SPMIP2: variants seen among roughly 807,000 people sequenced by gnomAD.
The protein encoded by SPMIP2 is sperm microtubule inner protein 2, also known as protein SPMIP2.
chr4:158,904,094 T>C, the SPMIP2 span, among the ~76,000 whole-genome samples: 19 of 152,182 alleles, frequency 1.2e-4, no homozygotes, highest in African/African-American at 4.3e-4. Flanking sequence ...CATTTAGAAG[T>C]GTTGACTGGA....
chr4:159,006,005 T>C, the SPMIP2 span, among the ~76,000 whole-genome samples: 1 of 152,238 alleles, frequency 6.6e-6, no homozygotes, highest in African/African-American at 2.4e-5. Flanking sequence ...CTTCAAGTGA[T>C]CCACCTGCCT....
the SPMIP2 span, among the ~76,000 whole-genome samples, chr4:159,057,822 T>C: frequency 4.6e-5 from 7 of 152,226 alleles, no homozygotes; most frequent in Non-Finnish European, 8.8e-5. Context: ...CATGTATTAG[T>C]AGCTACAGGA....
At chr4:158,936,871 G>A in the SPMIP2 span, among the ~76,000 whole-genome samples, 825 of 152,324 alleles carry the variant, frequency 5.4e-3, 5 homozygotes, top group African/African-American at 0.017. Flanking sequence ...CAGTGACACT[G>A]GCTGCCTGAG....
the SPMIP2 span, among the ~76,000 whole-genome samples, chr4:158,975,773 C>CTAT: frequency 6.6e-6 from 1 of 152,246 alleles, no homozygotes; most frequent in East Asian, 1.9e-4. Flanking sequence ...ATGGTCTTGG[C>CTAT]TATGTGGGCT....
chr4:158,915,690 C>T, the SPMIP2 span, among the ~76,000 whole-genome samples: 27 of 152,252 alleles, frequency 1.8e-4, no homozygotes, highest in Non-Finnish European at 2.9e-4. Context: ...TTCATGAGAC[C>T]CATGTGATCT....
the SPMIP2 span, among the ~76,000 whole-genome samples, chr4:158,967,377 A>G: frequency 6.6e-6 from 1 of 152,218 alleles, no homozygotes; most frequent in Admixed American, 6.5e-5. Flanking sequence ...CATAAGACAT[A>G]TAACTTTATA....
At chr4:159,013,141 T>C in the SPMIP2 span, among the ~76,000 whole-genome samples, 1 of 151,996 alleles carries the variant, frequency 6.6e-6, no homozygotes, top group African/African-American at 2.4e-5. Context: ...CTGGTGAAAA[T>C]GTAAAATGGT....
the SPMIP2 span, among the ~76,000 whole-genome samples, chr4:158,943,957 G>A: frequency 6.6e-6 from 1 of 150,598 alleles, no homozygotes; most frequent in Non-Finnish European, 1.5e-5. Context: ...CTGGGTTCAA[G>A]TGATTGTTCT....
At chr4:158,927,560 T>A in the SPMIP2 span, among the ~76,000 whole-genome samples, 1 of 152,212 alleles carries the variant, frequency 6.6e-6, no homozygotes, top group African/African-American at 2.4e-5. Context: ...CAGCCCTCCC[T>A]CGCTCTCGGC....
the SPMIP2 span, among the ~76,000 whole-genome samples, chr4:158,993,383 A>C: frequency 6.6e-6 from 1 of 151,664 alleles, no homozygotes; most frequent in Non-Finnish European, 1.5e-5. Context: ...AAAGAAGAAA[A>C]AAAAGAAAAA....
At chr4:158,966,548 A>G in the SPMIP2 span, among the ~76,000 whole-genome samples, 4 of 152,364 alleles carry the variant, frequency 2.6e-5, no homozygotes, top group South Asian at 8.3e-4. Context: ...TCTAAGTTAT[A>G]GCATCTCTTC....
At chr4:158,896,514 G>A in the SPMIP2 span, among the ~76,000 whole-genome samples, 5 of 152,100 alleles carry the variant, frequency 3.3e-5, no homozygotes, top group African/African-American at 7.2e-5. Context: ...AACTGCCCCC[G>A]CTTATCCATG....
the SPMIP2 span, among the ~76,000 whole-genome samples, chr4:158,926,978 A>G: frequency 6.6e-6 from 1 of 152,220 alleles, no homozygotes; most frequent in Non-Finnish European, 1.5e-5. Context: ...ACAAACCTAC[A>G]CAGGTACCCC....
At chr4:158,904,393 T>TA in the SPMIP2 span, 2 of 1,352,180 alleles carry the variant, frequency 1.5e-6, no homozygotes, top group Non-Finnish European at 2.1e-6. Flanking sequence ...TACTTTCTCA[T>TA]AAAAAGAAAT....
the SPMIP2 span, among the ~76,000 whole-genome samples, chr4:159,054,821 C>A: frequency 6.6e-6 from 1 of 151,718 alleles, no homozygotes; most frequent in Non-Finnish European, 1.5e-5. Flanking sequence ...CCCCTCCCAC[C>A]CTGCCCCTTG....
chr4:158,987,131 A>C, the SPMIP2 span, among the ~76,000 whole-genome samples: 1 of 103,510 alleles, frequency 9.7e-6, no homozygotes, highest in Non-Finnish European at 1.9e-5. Flanking sequence ...GTCAGGAAAC[A>C]ACAGATGCTG....
chr4:159,005,445 A>G, the SPMIP2 span, among the ~76,000 whole-genome samples: 1 of 152,122 alleles, frequency 6.6e-6, no homozygotes, highest in Admixed American at 6.6e-5. Context: ...ACTCCATCTC[A>G]AAACAAAACA....
At chr4:159,043,814 G>T in the SPMIP2 span, among the ~76,000 whole-genome samples, 1 of 152,104 alleles carries the variant, frequency 6.6e-6, no homozygotes, top group African/African-American at 2.4e-5. Flanking sequence ...TACAATCCAG[G>T]ATTAGTTTCA....
At chr4:159,067,899 A>C in the SPMIP2 span, among the ~76,000 whole-genome samples, 1 of 152,208 alleles carries the variant, frequency 6.6e-6, no homozygotes, top group East Asian at 1.9e-4. Context: ...GCCAAAAAAC[A>C]CATGAAAAAA....
Sources: allele counts gnomAD v4.1 joint callset (sites outside exome capture counted in the v4.1 genomes callset), GRCh38; gene constraint gnomAD v4.1.1; transcripts MANE v1.5; gene names NCBI Gene and HGNC (gene_info 2026-07-23, HGNC 2026-07-21).